Variants in MYO16 observed in about 807,000 individuals in gnomAD.
The protein encoded by MYO16 is myosin XVI, also known as unconventional myosin-XVI.
MYO16 carries 94 observed loss-of-function variants against 205.3 expected under a neutral mutation model. The ratio of observed to expected loss-of-function variants is 0.46; its 90% confidence interval spans 0.39 to 0.54. MYO16 has a LOEUF of 0.54. MYO16 is among the 20% of genes least tolerant of loss of function. The pLI, the probability that MYO16 is intolerant of heterozygous loss-of-function variation, is 0.00. For synonymous variants in MYO16, 988 were observed against 954.0 expected (o/e 1.04, Z -0.66); for missense variants, 2,315 against 2,387.5 (o/e 0.97, Z 0.63).
intron 4 of MYO16, among the ~76,000 whole-genome samples, chr13:108,760,804 T>C (rs1216256397): frequency 6.6e-6 from 1 of 152,132 alleles, no homozygotes; most frequent in Non-Finnish European, 1.5e-5. Flanking sequence ...AATCAATCGC[T>C]TTTTATCTTC....
At chr13:108,665,461 TG>T (rs1881683002) in intron 1 of MYO16, among the ~76,000 whole-genome samples, 1 of 152,200 alleles carries the variant, frequency 6.6e-6, no homozygotes, top group South Asian at 2.1e-4. Flanking sequence ...TTAGTCATCA[TG>T]ATACGCAAAA....
At chr13:109,056,409 A>G (rs1887420606) in intron 27 of MYO16, among the ~76,000 whole-genome samples, 1 of 152,174 alleles carries the variant, frequency 6.6e-6, no homozygotes, top group Non-Finnish European at 1.5e-5. Context: ...CAGAAACTTT[A>G]GTCTGATTTT....
chr13:108,901,640 C>T (rs924794483), intron 15 of MYO16, among the ~76,000 whole-genome samples: 4 of 152,276 alleles, frequency 2.6e-5, no homozygotes, highest in East Asian at 1.9e-4. Flanking sequence ...CTCCACTTTC[C>T]GTATGGCCTT....
intron 1 of MYO16, among the ~76,000 whole-genome samples, chr13:108,642,716 C>T (rs952665321): frequency 1.3e-5 from 2 of 152,084 alleles, no homozygotes; most frequent in East Asian, 1.9e-4. Context: ...CCGTGCCCGG[C>T]CTTTGGGTGT....
chr13:109,050,725 T>G (rs1358172626), intron 24 of MYO16, among the ~76,000 whole-genome samples: 1 of 152,200 alleles, frequency 6.6e-6, no homozygotes, highest in Non-Finnish European at 1.5e-5. Flanking sequence ...TATTTATGAG[T>G]GTACACTCAT....
chr13:108,798,702 T>A (rs373480979), intron 6 of MYO16, among the ~76,000 whole-genome samples: 6,191 of 125,352 alleles, frequency 0.049, 310 homozygotes, highest in East Asian at 0.23. Context: ...TTTTTTTTTT[T>A]TTTTTTTTTT....
rs1875905635 is a variant in MYO16 at position 108,820,428 on chromosome 13, C to G, written c.943+16C>G. On this transcript the variant is annotated intron_variant, in intron 8 of 34. Transcript: ENST00000457511. ...AAGGCGTCAGGTAGGTTAGGAGCAT[C>G]CTTGGACCATTGAGCAGGTACTGTT... The G allele has an allele frequency of 6.3e-7, 1 of 1,590,912 alleles. No homozygotes were observed. Among genetic ancestry groups the G allele is most frequent in the East Asian group, 2.3e-5 (1 of 43,390 alleles).
At chr13:108,863,124 T>C (rs754053964) in intron 11 of MYO16, among the ~76,000 whole-genome samples, 1 of 152,186 alleles carries the variant, frequency 6.6e-6, no homozygotes, top group African/African-American at 2.4e-5. Context: ...TCCATTGGTT[T>C]TCTGCATCAA....
intron 4 of MYO16, among the ~76,000 whole-genome samples, chr13:108,782,803 A>G (rs1210008075): frequency 2.6e-5 from 4 of 152,212 alleles, no homozygotes; most frequent in Admixed American, 6.5e-5. Flanking sequence ...CAGAGGGTGG[A>G]AGCCCCAAGC....
chr13:108,694,967 C>G (rs1030842278), intron 2 of MYO16, among the ~76,000 whole-genome samples: 7 of 152,040 alleles, frequency 4.6e-5, no homozygotes, highest in Non-Finnish European at 1.0e-4. Context: ...ACAAAATTAG[C>G]CGGGTGTGGT....
chr13:108,664,431 G>T (rs1881636057), intron 1 of MYO16, among the ~76,000 whole-genome samples: 1 of 152,014 alleles, frequency 6.6e-6, no homozygotes, highest in Non-Finnish European at 1.5e-5. Context: ...TTCTTTATAT[G>T]CTAAACAGGG....
chr13:108,669,009 G>A (rs79059432), intron 2 of MYO16, among the ~76,000 whole-genome samples: 6,947 of 151,976 alleles, frequency 0.046, 420 homozygotes, highest in East Asian at 0.14. Context: ...AATGAGATGG[G>A]GTGGCATCCT....
chr13:108,563,908 A>G, the MYO16 span, among the ~76,000 whole-genome samples: 1 of 152,120 alleles, frequency 6.6e-6, no homozygotes, highest in African/African-American at 2.4e-5. Context: ...AGTTTTCTGA[A>G]GAAGCTCCAA....
chr13:109,045,847 C>G (rs1566479044), intron 23 of MYO16, among the ~76,000 whole-genome samples: 1 of 152,250 alleles, frequency 6.6e-6, no homozygotes, highest in Admixed American at 6.5e-5. Flanking sequence ...ATCCAGTCCT[C>G]TCTGGGCTCT....
At chr13:108,718,233 G>A (rs1172655002) in intron 3 of MYO16, among the ~76,000 whole-genome samples, 1 of 152,050 alleles carries the variant, frequency 6.6e-6, no homozygotes, top group East Asian at 2.0e-4. Context: ...AAAATGTCTA[G>A]GTATTAAAGA....
At chr13:108,667,367 T>A (rs1881787096) in intron 2 of MYO16, among the ~76,000 whole-genome samples, 1 of 148,194 alleles carries the variant, frequency 6.7e-6, no homozygotes, top group Non-Finnish European at 1.5e-5. Flanking sequence ...TAACAGTGAA[T>A]CTTTGAGCTG....
intron 1 of MYO16, among the ~76,000 whole-genome samples, chr13:108,630,647 A>G (rs1879939954): frequency 6.6e-6 from 1 of 152,178 alleles, no homozygotes; most frequent in African/African-American, 2.4e-5. Context: ...TTCTGTACAT[A>G]TATATCATGA....
At chr13:109,115,742 T>C (rs1166283710) in intron 28 of MYO16, among the ~76,000 whole-genome samples, 1 of 152,178 alleles carries the variant, frequency 6.6e-6, no homozygotes, top group Non-Finnish European at 1.5e-5. Context: ...ATAGACAATG[T>C]AAATCCATGA....
At chr13:108,900,593 T>C (rs1042081561) in intron 15 of MYO16, among the ~76,000 whole-genome samples, 10 of 152,236 alleles carry the variant, frequency 6.6e-5, no homozygotes, top group African/African-American at 2.2e-4. Flanking sequence ...TGGACACTTA[T>C]CACTTCCCCA....
Sources: allele counts gnomAD v4.1 joint callset (sites outside exome capture counted in the v4.1 genomes callset), GRCh38; gene constraint gnomAD v4.1.1; transcripts MANE v1.5; gene names NCBI Gene and HGNC (gene_info 2026-07-23, HGNC 2026-07-21).